The following TRIM16 variants were observed in gnomAD, a reference collection of about 807,000 sequenced individuals.
TRIM16 encodes the protein tripartite motif-containing protein 16.
TRIM16 carries 33 observed loss-of-function variants against 50.4 expected under a neutral mutation model. The ratio of observed to expected loss-of-function variants is 0.65; its 90% CI spans 0.50 to 0.88. TRIM16 has a LOEUF of 0.88. Among genes scored for constraint, TRIM16 ranks in the 40% least tolerant of loss-of-function variants. The probability of loss-of-function intolerance (pLI) is 0.00; values close to 1 mark genes in which losing one functional copy is unlikely to be tolerated. For synonymous variants in TRIM16, 229 were observed against 270.7 expected (o/e 0.85, Z 1.51); for missense variants, 581 against 686.8 (o/e 0.85, Z 1.72).
rs543497198 is a variant in TRIM16 at position 15,679,915 on chromosome 17, C to T, written c.-590+950G>A. ...TCGCGCCACTGCACTCCAGCCTGGG[C>T]GAGAGAGCGAGACTATGTCTCAAAA... On this transcript the variant is annotated intron_variant, in intron 4 of 11. Transcript: ENST00000649191. Among the ~76,000 whole-genome samples, 225 of 136,072 alleles carry T rather than the reference C, an allele frequency of 1.7e-3. 1 individual carries two copies. The highest frequency in any genetic ancestry group is 5.6e-3 in the African/African-American group (203 of 35,932). The allele number at this position is 136,072 out of a possible 152,430, so 89.3% of individuals were successfully genotyped here. A position where few individuals can be genotyped will look rare whatever the true frequency, so the allele number is the denominator to read the frequency against.
At chr17:15,676,807 C>T (rs1344467712) in intron 6 of TRIM16, among the ~76,000 whole-genome samples, 2 of 152,112 alleles carry the variant, frequency 1.3e-5, no homozygotes, top group East Asian at 1.9e-4. Context: ...ATTTTATATC[C>T]TTAAAATTAT....
chr17:15,675,723 A>C (rs1988901409), intron 6 of TRIM16: 1 of 184,266 alleles, frequency 5.4e-6, no homozygotes, highest in Admixed American at 5.9e-5. Flanking sequence ...ACTGGAGAGA[A>C]GCCCTGTGTA....
chr17:15,640,329 G>A (rs1319014503), intron 8 of TRIM16, among the ~76,000 whole-genome samples: 1 of 148,592 alleles, frequency 6.7e-6, no homozygotes, highest in Non-Finnish European at 1.5e-5. Flanking sequence ...ATGGGCTGTG[G>A]CTGTGTGGGG....
intron 6 of TRIM16, among the ~76,000 whole-genome samples, chr17:15,664,467 C>T (rs547868567): frequency 1.3e-5 from 2 of 152,104 alleles, no homozygotes; most frequent in South Asian, 4.2e-4. Flanking sequence ...TCTAGGAGGC[C>T]GAGGTGGGCG....
At chr17:15,657,590 A>G (rs1988035973) in intron 6 of TRIM16, among the ~76,000 whole-genome samples, 1 of 152,194 alleles carries the variant, frequency 6.6e-6, no homozygotes, top group Non-Finnish European at 1.5e-5. Flanking sequence ...CTTTCTGTCT[A>G]TAATTGTGAC....
chr17:15,646,183 G>A (rs1442426239), intron 7 of TRIM16, among the ~76,000 whole-genome samples: 6 of 152,090 alleles, frequency 3.9e-5, no homozygotes, highest in Admixed American at 2.0e-4. Context: ...GACTCCTTAA[G>A]TACATAATCG....
At chr17:15,662,415 G>A (rs546934789) in intron 6 of TRIM16, among the ~76,000 whole-genome samples, 1 of 152,204 alleles carries the variant, frequency 6.6e-6, no homozygotes, top group East Asian at 1.9e-4. Flanking sequence ...CAACTTCACT[G>A]GGCTTTCTTT....
intron 7 of TRIM16, among the ~76,000 whole-genome samples, chr17:15,647,030 G>A (rs1271903648): frequency 6.6e-6 from 1 of 150,922 alleles, no homozygotes; most frequent in East Asian, 1.9e-4. Flanking sequence ...GCAATGGCGC[G>A]ATCTCGGTTC....
At chr17:15,643,815 T>C (rs1224955403) in intron 7 of TRIM16, among the ~76,000 whole-genome samples, 1 of 152,218 alleles carries the variant, frequency 6.6e-6, no homozygotes, top group African/African-American at 2.4e-5. Context: ...ACAGGGAGTG[T>C]AGGGTTGGAG....
At chr17:15,657,650 T>C (rs1425085964) in intron 6 of TRIM16, among the ~76,000 whole-genome samples, 1 of 152,250 alleles carries the variant, frequency 6.6e-6, no homozygotes, top group Non-Finnish European at 1.5e-5. Flanking sequence ...TGTCTTTTTG[T>C]GACTGGCTTA....
chr17:15,639,849 T>G (rs1987037614), intron 8 of TRIM16, among the ~76,000 whole-genome samples: 1 of 148,868 alleles, frequency 6.7e-6, no homozygotes, highest in Non-Finnish European at 1.5e-5. Flanking sequence ...CTGCCAGGTA[T>G]AGGCTCTGCA....
rs529904060 is a variant in TRIM16, at chr17:15,647,371, G to A, written c.519+3720C>T. On this transcript the variant is annotated intron_variant, in intron 7 of 11. Transcript: ENST00000649191. ...GATGCCAGTTAACCGCTCCCCAGAT[G>A]AGCGTGGATACTTTTGGCTCTAGAT... 3.6e-3 allele frequency among the ~76,000 whole-genome samples: 544 copies of A among 152,354 alleles called. 1 individual carries two copies. Among genetic ancestry groups the A allele is most frequent in the African/African-American group, 0.012 (517 of 41,568 alleles).
intron 6 of TRIM16, among the ~76,000 whole-genome samples, chr17:15,654,796 G>A (rs1255286546): frequency 6.6e-6 from 1 of 152,020 alleles, no homozygotes; most frequent in Non-Finnish European, 1.5e-5. Context: ...TGCTTAAAAG[G>A]TAACCAGACT....
intron 7 of TRIM16, among the ~76,000 whole-genome samples, chr17:15,650,091 T>C (rs1310101832): frequency 6.6e-6 from 1 of 152,140 alleles, no homozygotes; most frequent in Non-Finnish European, 1.5e-5. Context: ...CTAAAATCTA[T>C]GTCTAGGGAT....
At chr17:15,665,235 G>T (rs1158517857) in intron 6 of TRIM16, among the ~76,000 whole-genome samples, 2 of 152,136 alleles carry the variant, frequency 1.3e-5, no homozygotes, top group Non-Finnish European at 2.9e-5. Context: ...TGTAGAGGCC[G>T]GGCGCAGTGG....
chr17:15,678,136 G>A (rs1475746884), intron 4 of TRIM16, among the ~76,000 whole-genome samples: 2 of 151,738 alleles, frequency 1.3e-5, no homozygotes, highest in South Asian at 2.1e-4. Flanking sequence ...GGAGAATGGC[G>A]TGAACCCGGG....
At chr17:15,656,058 G>A (rs972332616) in intron 6 of TRIM16, among the ~76,000 whole-genome samples, 5 of 152,138 alleles carry the variant, frequency 3.3e-5, no homozygotes, top group Admixed American at 1.3e-4. Context: ...AGGGGCATGG[G>A]ATTAGGAGTG....
intron 6 of TRIM16, among the ~76,000 whole-genome samples, chr17:15,655,846 G>T (rs1000663234): frequency 3.3e-5 from 5 of 152,168 alleles, no homozygotes; most frequent in African/African-American, 7.2e-5. Context: ...AGTGCTGGGA[G>T]TACAGGTGTG....
chr17:15,652,455 CTTTTTTTTTTTT>C (rs34158100), intron 6 of TRIM16, among the ~76,000 whole-genome samples: 907 of 65,392 alleles, frequency 0.014, 18 homozygotes, highest in Non-Finnish European at 0.02. Flanking sequence ...CGGTGCCCAC[CTTTTTTTTTTTT>C]TTTTTTTTTT....
Sources: allele counts gnomAD v4.1 joint callset (sites outside exome capture counted in the v4.1 genomes callset), GRCh38; gene constraint gnomAD v4.1.1; transcripts MANE v1.5; gene names NCBI Gene and HGNC (gene_info 2026-07-23, HGNC 2026-07-21).